Variants in CNTN2 observed in about 807,000 individuals in gnomAD.
CNTN2 encodes the protein contactin-2.
In CNTN2, 53 loss-of-function variants were observed where a neutral mutation model predicts 117.5. The observed-to-expected ratio is 0.45, with a 90% confidence interval of 0.36 to 0.57. The LOEUF (loss-of-function observed/expected upper bound fraction) is 0.57. Ranked by LOEUF, CNTN2 falls within the 20% of genes least tolerant of loss-of-function variation. CNTN2 has a pLI of 0.00. For synonymous variants in CNTN2, 530 were observed against 561.7 expected (o/e 0.94, Z 0.80); for missense variants, 1,106 against 1,404.3 (o/e 0.79, Z 3.39).
rs781410852 is a variant in CNTN2, at chr1:205,064,428, G to A, written c.1347G>A (p.Val449=). 3.1e-5 allele frequency: 50 copies of A among 1,612,670 alleles called. No homozygotes were observed. Among genetic ancestry groups the A allele is most frequent in the Non-Finnish European group, 4.2e-5 (50 of 1,178,952 alleles). ...AGCCCCGGGCAGCTCCAAAGGCCGTGGTGCTCTGGAGCAAAGGCACGGAGA... is the reference window on the plus strand; with the variant it reads ...AGCCCCGGGCAGCTCCAAAGGCCGTAGTGCTCTGGAGCAAAGGCACGGAGA... ...PCQPRAAPKA[V]VLWSKGTEIL... is the part of the protein sequence containing the mutation. The change falls in exon 11 of 23, where the codon GTG becomes GTA. Residue 449 remains valine (V), a synonymous_variant. Transcript: ENST00000331830.
rs1437942176 is a variant in CNTN2 at position 205,074,908 on chromosome 1, T to G, written c.*1143T>G. ...CGCTCCCAGACGGCCTTGGACTGCT[T>G]GCATTTCCCCGGAGAAAAAGGGGTT... On this transcript the variant is annotated 3_prime_UTR_variant, in exon 23 of 23. Coordinates refer to ENST00000331830, the MANE Select transcript of CNTN2 (RefSeq NM_005076.5). The G allele has an allele frequency of 3.8e-5, 15 of 398,548 alleles. No homozygotes were observed. Among genetic ancestry groups the G allele is most frequent in the Non-Finnish European group, 4.4e-5 (10 of 226,130 alleles). 24.7% of individuals were successfully genotyped at this position (398,548 alleles called of 1,614,324 possible).
At position 205,069,491 on chromosome 1, in the gene CNTN2, C is replaced by T; in HGVS notation, c.2126C>T (p.Ala709Val). 3 of 1,613,972 alleles carry T rather than the reference C, an allele frequency of 1.9e-6. No individual in the cohort carries two copies. The highest frequency in any genetic ancestry group is 2.5e-6 in the Non-Finnish European group (3 of 1,179,970). Residue 709 changes from alanine to valine, a missense_variant and splice_region_variant, in exon 17 of 23, where the codon GCC (alanine) becomes GTC (valine). Physicochemically the swap from Ala to Val is moderately conservative, Grantham distance 64 (BLOSUM62 0). Coordinates refer to ENST00000331830, the MANE Select transcript of CNTN2 (RefSeq NM_005076.5). ...ATCGGTGTCCCTTGGCCCTTGACAGCCCCCTCGGTGGCACCCTCAGGACTC... is the reference window on the plus strand; with the variant it reads ...ATCGGTGTCCCTTGGCCCTTGACAGTCCCCTCGGTGGCACCCTCAGGACTC... ...PSSKIRTREA[A>V]PSVAPSGLSG...
At chr1:205,049,644 T>A (rs1291729910) in intron 1 of CNTN2, among the ~76,000 whole-genome samples, 1 of 152,044 alleles carries the variant, frequency 6.6e-6, no homozygotes, top group Non-Finnish European at 1.5e-5. Flanking sequence ...GAGCCCAGGC[T>A]CCTCCCCAGG....
Position 205,069,818 on chromosome 1 carries a change from G to C in CNTN2, c.2197-9G>C, listed in dbSNP as rs1197883102. The C allele has an allele frequency of 1.1e-5, 17 of 1,610,406 alleles. No homozygotes were observed. Among genetic ancestry groups the C allele is most frequent in the Non-Finnish European group, 1.4e-5 (17 of 1,177,238 alleles). ...GGACCCTCGCCCATGCCATGCTCTT[G>C]CCCCTCAGCCCATGTCACGGGAGTA... On this transcript the variant is annotated splice_polypyrimidine_tract_variant and intron_variant, in intron 17 of 22. Coordinates refer to ENST00000331830, the MANE Select transcript of CNTN2 (RefSeq NM_005076.5).
At position 205,065,409 on chromosome 1, in the gene CNTN2, T is replaced by C. The variant is rs1654229754; in HGVS notation, c.1695+147T>C. The C allele has an allele frequency of 2.3e-6, 2 of 851,696 alleles. No individual in the cohort carries two copies. Among genetic ancestry groups the C allele is most frequent in the East Asian group, 5.1e-5 (2 of 39,292 alleles). 52.8% of individuals were successfully genotyped at this position (851,696 alleles called of 1,614,324 possible). A position where few individuals can be genotyped will look rare whatever the true frequency, so the allele number is the denominator to read the frequency against. The stretch of plus-strand genomic sequence containing the variant: ...GGCCCACACATGGCAAGCTCATCCT[T>C]GGATGAACAGCTGACCTTCCTGGAT... On this transcript the variant is annotated intron_variant, in intron 13 of 22. Coordinates refer to ENST00000331830, the MANE Select transcript of CNTN2 (RefSeq NM_005076.5). The surrounding 1 kb of genome is among the most constrained non-coding windows in gnomAD (Gnocchi z 4.1).
Position 205,073,019 on chromosome 1 carries a change from G to C in CNTN2, c.2845-49G>C, listed in dbSNP as rs747461266. ...TACCTAAAGCTGGGGATGACTCAAC[G>C]ATCAGCCCTGGTGTCAGGAAACTCC... On this transcript the variant is annotated intron_variant, in intron 21 of 22. Transcript: ENST00000331830. This position sits in a 1 kb window ranked among gnomAD's most constrained non-coding sequence, Gnocchi z 6.3. 2.2e-5 allele frequency: 36 copies of C among 1,600,342 alleles called. No individual in the cohort carries two copies. Among genetic ancestry groups the C allele is most frequent in the Non-Finnish European group, 3.0e-5 (35 of 1,171,298 alleles).
intron 9 of CNTN2, 100 bp downstream of exon 9, chr1:205,062,101 C>A: frequency 7.0e-7 from 1 of 1,436,276 alleles, no homozygotes; most frequent in East Asian, 2.5e-5. Context: ...AGTAGCCCCT[C>A]TGGGCTAATT....
chr1:205,054,031 A>G lies in CNTN2; in HGVS notation c.70+776A>G, dbSNP rs572107451. On this transcript the variant is annotated intron_variant, in intron 2 of 22. Transcript: ENST00000331830. Reference sequence around the variant, plus strand: ...TCTGGAGAGCATGTCAGGCCAGAGGAGCCGGGCCGCTGGCCTGTCCTAGGG... The same window carrying G: ...TCTGGAGAGCATGTCAGGCCAGAGGGGCCGGGCCGCTGGCCTGTCCTAGGG... 1.0e-3 allele frequency among the ~76,000 whole-genome samples: 152 copies of G among 152,302 alleles called. 1 individual carries two copies. The highest frequency in any genetic ancestry group is 3.4e-3 in the African/African-American group (142 of 41,568).
chr1:205,043,823 C>T (rs528705353), intron 1 of CNTN2, among the ~76,000 whole-genome samples: 17 of 152,306 alleles, frequency 1.1e-4, no homozygotes, highest in East Asian at 7.7e-4. Flanking sequence ...GGAATTGAGC[C>T]GGAGTCCCCA....
chr1:205,048,454 A>G lies in CNTN2; in HGVS notation c.-86-4646A>G, dbSNP rs866788903. ...GAACCCCCCAGTGGTCCACTCCCCC[A>G]TGTGCTGGTGCCTTGCAGGACCAGC... On this transcript the variant is annotated intron_variant, in intron 1 of 22. Transcript: ENST00000331830. The surrounding 1 kb of genome is among the most constrained non-coding windows in gnomAD (Gnocchi z 4.1). Among the ~76,000 whole-genome samples, 14 of 151,140 alleles carry G rather than the reference A, an allele frequency of 9.3e-5. No homozygotes were observed. Among genetic ancestry groups the G allele is most frequent in the African/African-American group, 3.2e-4 (13 of 41,076 alleles).
chr1:205,062,589 A>AG lies in CNTN2; in HGVS notation c.1240+24dup, dbSNP rs1338977859. ...TGCAAGGTAAGGGGCCCAGGGAGGC[A>AG]GGGGACATCCCAAGGACATGCATAT... On this transcript the variant is annotated intron_variant, in intron 10 of 22. Coordinates refer to ENST00000331830, the MANE Select transcript of CNTN2 (RefSeq NM_005076.5). 1.1e-5 allele frequency: 18 copies of AG among 1,607,082 alleles called. No homozygotes were observed. The highest frequency in any genetic ancestry group is 1.5e-5 in the Non-Finnish European group (18 of 1,176,290).
In CNTN2 at chr1:205,061,431, A is replaced by C; in HGVS notation, c.973+11A>C. On this transcript the variant is annotated intron_variant, in intron 8 of 22. Transcript: ENST00000331830. The surrounding 1 kb of genome is among the most constrained non-coding windows in gnomAD (Gnocchi z 4.8). ...GCATCATCGTGCAGGGTACAGAGCC[A>C]GGGACACCTTCTCCGCCCCTCCCGA... 6.3e-7 allele frequency: 1 copy of C among 1,586,970 alleles called. No homozygotes were observed. Among genetic ancestry groups the C allele is most frequent in the Non-Finnish European group, 8.6e-7 (1 of 1,162,094 alleles).
Position 205,067,087 on chromosome 1 carries a change from C to A in CNTN2, c.1976-14C>A, listed in dbSNP as rs377135513. ...AAGCGAATGCTGGAATATGGACTCC[C>A]TGGTGCCTTGCAGATCCTGCAAACA... On this transcript the variant is annotated splice_polypyrimidine_tract_variant and intron_variant, in intron 15 of 22. Coordinates refer to ENST00000331830, the MANE Select transcript of CNTN2 (RefSeq NM_005076.5). 6.2e-7 allele frequency: 1 copy of A among 1,602,832 alleles called. No individual in the cohort carries two copies.
intron 1 of CNTN2, among the ~76,000 whole-genome samples, chr1:205,050,768 G>A (rs867716607): frequency 5.9e-5 from 9 of 152,126 alleles, no homozygotes; most frequent in Non-Finnish European, 1.0e-4. Flanking sequence ...ACAGGCACCT[G>A]CCACCATGCC....
intron 10 of CNTN2, 67 bp downstream of exon 10, chr1:205,062,636 T>A: frequency 6.5e-7 from 1 of 1,547,408 alleles, no homozygotes; most frequent in East Asian, 2.3e-5. Context: ...GAGCTCTGAG[T>A]TTAGGTGTTT....
Position 205,073,167 on chromosome 1 carries a change from G to T in CNTN2, c.2944G>T (p.Val982Leu). The T allele has an allele frequency of 1.2e-6, 2 of 1,614,080 alleles. No individual in the cohort carries two copies. Among genetic ancestry groups the T allele is most frequent in the Non-Finnish European group, 1.7e-6 (2 of 1,180,004 alleles). Reference protein sequence around the residue: ...PVPEDIGHALVQIRTTGPGGD... With the variant: ...PVPEDIGHALLQIRTTGPGGD... ...GCCTGAAGACATTGGCCATGCCCTG[G>T]TACAAATTCGGACCACAGGGCCCGG... Residue 982 changes from valine (V) to leucine (L), a missense_variant, in exon 22 of 23, where the codon GTA (valine) becomes TTA (leucine). Val to Leu is a conservative substitution (Grantham distance 32, BLOSUM62 1). Coordinates refer to ENST00000331830, the MANE Select transcript of CNTN2 (RefSeq NM_005076.5). The surrounding 1 kb of genome is among the most constrained non-coding windows in gnomAD (Gnocchi z 6.3).
intron 10 of CNTN2, chr1:205,063,511 C>T (rs1654097065): frequency 3.3e-5 from 5 of 151,910 alleles, no homozygotes; most frequent in Admixed American, 2.6e-4. Context: ...CACGTGTAGT[C>T]CCAGCTACAC....
intron 1 of CNTN2, among the ~76,000 whole-genome samples, chr1:205,047,118 C>A (rs1377130773): frequency 6.6e-6 from 1 of 152,178 alleles, no homozygotes; most frequent in Admixed American, 6.5e-5. Context: ...AAAGAGCCTG[C>A]AGAGAGAGCT....
chr1:205,076,729 C>T lies in CNTN2; in HGVS notation c.*2964C>T, dbSNP rs1367868506. Reference sequence around the variant, plus strand: ...TTACAGAGCCCTTTGCCCTGGCTCTCTGGTCCTTGTTGCTCTAACAGTCCA... The same window carrying T: ...TTACAGAGCCCTTTGCCCTGGCTCTTTGGTCCTTGTTGCTCTAACAGTCCA... On this transcript the variant is annotated 3_prime_UTR_variant, in exon 23 of 23. Transcript: ENST00000331830. 1 of 152,242 alleles carries T rather than the reference C, an allele frequency of 6.6e-6. No individual in the cohort carries two copies. The highest frequency in any genetic ancestry group is 2.1e-4 in the South Asian group (1 of 4,824). The allele number at this position is 152,242 out of a possible 1,614,324, so 9.4% of individuals were successfully genotyped here. A position where few individuals can be genotyped will look rare whatever the true frequency, so the allele number is the denominator to read the frequency against.
Sources: gnomAD v4.1 joint callset for allele counts (sites outside exome capture counted in the v4.1 genomes callset) on GRCh38, gnomAD v4.1.1 for gene constraint, Gnocchi (gnomAD v3.1) non-coding constraint, MANE v1.5 for transcripts, NCBI Gene and HGNC (gene_info 2026-07-23, HGNC 2026-07-21) for gene names.